Variants in PARD3B observed in about 807,000 individuals in gnomAD.
PARD3B encodes partitioning defective 3 homolog B.
In PARD3B, 103 loss-of-function variants were observed where a neutral mutation model predicts 130.2. The observed-to-expected ratio is 0.79, with a 90% CI of 0.67 to 0.93. The LOEUF is 0.93. Ranked by LOEUF, PARD3B falls within the 40% of genes least tolerant of loss-of-function variation. PARD3B has a pLI of 0.00. For synonymous variants in PARD3B, 583 were observed against 553.2 expected (o/e 1.05, Z -0.76); for missense variants, 1,609 against 1,499.2 (o/e 1.07, Z -1.21).
chr2:205,170,219 C>T (rs971241251), intron 11 of PARD3B, among the ~76,000 whole-genome samples: 3 of 152,162 alleles, frequency 2.0e-5, no homozygotes, highest in African/African-American at 7.2e-5. Context: ...TGTGAGCCAC[C>T]GTGCCCAGCC....
At chr2:205,072,651 A>G (rs1161582427) in intron 4 of PARD3B, among the ~76,000 whole-genome samples, 2 of 152,212 alleles carry the variant, frequency 1.3e-5, no homozygotes, top group Non-Finnish European at 2.9e-5. Flanking sequence ...TCTAAATAAC[A>G]TTTTCTTGGT....
intron 3 of PARD3B, among the ~76,000 whole-genome samples, chr2:205,046,805 G>A (rs1480758986): frequency 6.6e-6 from 1 of 152,160 alleles, no homozygotes; most frequent in Non-Finnish European, 1.5e-5. Context: ...ATGTTTCTCT[G>A]TAGTGGCCAA....
At chr2:204,847,174 T>C (rs2044496523) in intron 2 of PARD3B, among the ~76,000 whole-genome samples, 1 of 151,302 alleles carries the variant, frequency 6.6e-6, no homozygotes, top group Non-Finnish European at 1.5e-5. Context: ...TTCTTTCTTT[T>C]TTTTTTTTTT....
At chr2:204,981,588 C>T (rs1692672052) in intron 3 of PARD3B, among the ~76,000 whole-genome samples, 1 of 152,202 alleles carries the variant, frequency 6.6e-6, no homozygotes, top group Non-Finnish European at 1.5e-5. Flanking sequence ...GGACACTTAA[C>T]TATCTACCAG....
At chr2:204,676,640 C>T (rs961028166) in intron 1 of PARD3B, among the ~76,000 whole-genome samples, 1 of 150,236 alleles carries the variant, frequency 6.7e-6, no homozygotes, top group Admixed American at 6.6e-5. Flanking sequence ...ATGTTTTTAC[C>T]ATACATCCCA....
At chr2:205,432,082 A>C (rs1055136247) in intron 19 of PARD3B, among the ~76,000 whole-genome samples, 1 of 152,130 alleles carries the variant, frequency 6.6e-6, no homozygotes, top group African/African-American at 2.4e-5. Flanking sequence ...GTGTGTTGCA[A>C]ACTTTTCTAT....
At chr2:204,803,142 A>AG (rs2042632211) in intron 2 of PARD3B, among the ~76,000 whole-genome samples, 2 of 101,094 alleles carry the variant, frequency 2.0e-5, no homozygotes, top group South Asian at 6.4e-4. Context: ...AAAGTGCTGA[A>AG]GGAAAAAAAA....
rs116328691 is a variant in PARD3B, at chr2:204,969,966, A to G, written c.394+4643A>G. Among the ~76,000 whole-genome samples, 475 of 152,166 alleles carry G rather than the reference A, an allele frequency of 3.1e-3. 5 individuals are homozygous for G. The highest frequency in any genetic ancestry group is 0.011 in the African/African-American group (441 of 41,500). ...GTGTAGGAAAGTTCCACTAAAACCA[A>G]TATACTAATGGGATCCATAGATGTG... On this transcript the variant is annotated intron_variant, in intron 3 of 22. Coordinates refer to ENST00000406610, the MANE Select transcript of PARD3B (RefSeq NM_001302769.2).
rs1030086868 is a variant in PARD3B, at chr2:205,046,081, A to G, written c.395-1500A>G. 2.0e-5 allele frequency among the ~76,000 whole-genome samples: 3 copies of G among 152,104 alleles called. No homozygotes were observed. In the East Asian group the frequency reaches 5.8e-4, roughly 29 times the overall value. On this transcript the variant is annotated intron_variant, in intron 3 of 22. Coordinates refer to ENST00000406610, the MANE Select transcript of PARD3B (RefSeq NM_001302769.2). ...TTAAAGATAATGAGTTCCTTTGAGG[A>G]TATTGCATTTAGACTGACTTGTTCA...
rs971868427 is a variant in PARD3B at position 205,122,750 on chromosome 2, T to C, written c.1165+801T>C. On this transcript the variant is annotated intron_variant, in intron 8 of 22. Coordinates refer to ENST00000406610, the MANE Select transcript of PARD3B (RefSeq NM_001302769.2). The surrounding 1 kb of genome is among the most constrained non-coding windows in gnomAD (Gnocchi z 4.3). ...TCAAAAGGTAGTTTTAGAAAAACTA[T>C]TAAGGTCTTTCAAAAACAAATAATG... Among the ~76,000 whole-genome samples, 1 of 152,240 alleles carries C rather than the reference T, an allele frequency of 6.6e-6. No individual in the cohort carries two copies. The highest frequency in any genetic ancestry group is 6.5e-5 in the Admixed American group (1 of 15,288).
rs903312927 is a variant in PARD3B at position 205,440,782 on chromosome 2, G to A, written c.3044+110G>A. The stretch of plus-strand genomic sequence containing the variant: ...TCCTTCAATCAATTAAAACTGAAAC[G>A]AGTCAGTACCCTAGACAAGTGCCAT... On this transcript the variant is annotated intron_variant, in intron 20 of 22. Coordinates refer to ENST00000406610, the MANE Select transcript of PARD3B (RefSeq NM_001302769.2). This position sits in a 1 kb window ranked among gnomAD's most constrained non-coding sequence, Gnocchi z 4.2. 39 of 1,148,618 alleles carry A rather than the reference G, an allele frequency of 3.4e-5. No individual in the cohort carries two copies. In the Admixed American group the frequency reaches 6.8e-4, roughly 20 times the overall value. The allele number at this position is 1,148,618 out of a possible 1,614,324, so 71.2% of individuals were successfully genotyped here.
At position 205,142,955 on chromosome 2, in the gene PARD3B, A is replaced by G. The variant is rs1242687377; in HGVS notation, c.1435-15767A>G. ...TAATTGTAAGAAAGTGATGCGAATC[A>G]TCAGAATGGGAAAACATAAGTGAAA... On this transcript the variant is annotated intron_variant, in intron 10 of 22. Transcript: ENST00000406610. This position sits in a 1 kb window ranked among gnomAD's most constrained non-coding sequence, Gnocchi z 4.3. Among the ~76,000 whole-genome samples, 2 of 152,320 alleles carry G rather than the reference A, an allele frequency of 1.3e-5. No homozygotes were observed. The highest frequency in any genetic ancestry group is 1.9e-4 in the East Asian group (1 of 5,190).
intron 2 of PARD3B, among the ~76,000 whole-genome samples, chr2:204,868,741 G>A (rs2045519871): frequency 6.6e-6 from 1 of 152,184 alleles, no homozygotes; most frequent in African/African-American, 2.4e-5. Flanking sequence ...GTATATTTAA[G>A]TTCAAAACTT....
Position 205,301,346 on chromosome 2 carries a change from A to T in PARD3B, c.2393-118A>T. 1 of 1,491,244 alleles carries T rather than the reference A, an allele frequency of 6.7e-7. No individual in the cohort carries two copies. The highest frequency in any genetic ancestry group is 9.0e-7 in the Non-Finnish European group (1 of 1,117,242). 92.4% of individuals were successfully genotyped at this position (1,491,244 alleles called of 1,614,324 possible). ...CAAAGGGCGCACGTAACCACATAGAAGGGTAGAACTACAGAGTGCTGTTAT... is the reference window on the plus strand; with the variant it reads ...CAAAGGGCGCACGTAACCACATAGATGGGTAGAACTACAGAGTGCTGTTAT... On this transcript the variant is annotated intron_variant, in intron 17 of 22. Coordinates refer to ENST00000406610, the MANE Select transcript of PARD3B (RefSeq NM_001302769.2). The surrounding 1 kb of genome is among the most constrained non-coding windows in gnomAD (Gnocchi z 5.2).
At chr2:205,450,247 G>A (rs1476611976) in intron 20 of PARD3B, among the ~76,000 whole-genome samples, 1 of 152,062 alleles carries the variant, frequency 6.6e-6, no homozygotes, top group African/African-American at 2.4e-5. Flanking sequence ...AACTATTGAG[G>A]AAGGTTATTG....
intron 19 of PARD3B, among the ~76,000 whole-genome samples, chr2:205,409,645 C>G (rs1488790987): frequency 2.0e-5 from 3 of 152,132 alleles, no homozygotes; most frequent in Admixed American, 2.0e-4. Flanking sequence ...TGGATTAATA[C>G]ATAAAATGAA....
chr2:204,792,914 T>TA (rs1239225315), intron 2 of PARD3B, among the ~76,000 whole-genome samples: 1 of 151,632 alleles, frequency 6.6e-6, no homozygotes, highest in African/African-American at 2.4e-5. Flanking sequence ...TTTTTTTTTT[T>TA]ATAGACCCGT....
rs55817105 is a variant in PARD3B at position 205,585,226 on chromosome 2, A to G, written c.3261-30230A>G. ...ATATTTGGAATGCACAGGCTGGGAGATGAAAATGTGTATGCCCTATCCCAC... is the reference window on the plus strand; with the variant it reads ...ATATTTGGAATGCACAGGCTGGGAGGTGAAAATGTGTATGCCCTATCCCAC... On this transcript the variant is annotated intron_variant, in intron 22 of 22. Transcript: ENST00000406610. The surrounding 1 kb of genome is among the most constrained non-coding windows in gnomAD (Gnocchi z 5.4). Among the ~76,000 whole-genome samples the G allele has an allele frequency of 5.5e-3, 836 of 152,202 alleles. 9 individuals are homozygous for G. The highest frequency in any genetic ancestry group is 0.019 in the African/African-American group (792 of 41,520).
In PARD3B at chr2:205,397,437, A is replaced by G. The variant is rs975492939; in HGVS notation, c.2631-3576A>G. Among the ~76,000 whole-genome samples, 1 of 152,142 alleles carries G rather than the reference A, an allele frequency of 6.6e-6. No homozygotes were observed. The highest frequency in any genetic ancestry group is 1.5e-5 in the Non-Finnish European group (1 of 68,024). On this transcript the variant is annotated intron_variant, in intron 18 of 22. Transcript: ENST00000406610. This position sits in a 1 kb window ranked among gnomAD's most constrained non-coding sequence, Gnocchi z 4.8. ...TTTCAACTAACATGTTTTTTTTCTT[A>G]CCAAACATATTCCACTGTGAGGGAA...
Sources: gnomAD v4.1 joint callset for allele counts (sites outside exome capture counted in the v4.1 genomes callset) on GRCh38, gnomAD v4.1.1 for gene constraint, Gnocchi (gnomAD v3.1) non-coding constraint, MANE v1.5 for transcripts, NCBI Gene and HGNC (gene_info 2026-07-23, HGNC 2026-07-21) for gene names.